The following PCDH15 variants were observed in gnomAD, a reference collection of about 807,000 sequenced individuals.
The protein encoded by PCDH15 is protocadherin-15.
A neutral mutation model predicts 178.5 loss-of-function variants in PCDH15; 129 were observed. That is an observed-to-expected ratio of 0.72 (90% CI 0.63 to 0.84). The LOEUF is 0.84. PCDH15 is among the 40% of genes least tolerant of loss of function. PCDH15 has a pLI of 0.00. For synonymous variants in PCDH15, 800 were observed against 732.0 expected, an observed-to-expected ratio of 1.09 and a Z score of -1.50; for missense variants, 2,230 against 2,099.9, an observed-to-expected ratio of 1.06 and a Z score of -1.21.
At chr10:53,840,287 A>G in intron 29 of PCDH15, 33 bp downstream of exon 29, 1 of 1,602,158 alleles carries the variant, frequency 6.2e-7, no homozygotes, top group Non-Finnish European at 8.6e-7. Flanking sequence ...TATTGTAACC[A>G]AAGAGCTGTT....
At chr10:54,782,121 G>A (rs532125468) in intron 1 of PCDH15, among the ~76,000 whole-genome samples, 2 of 152,238 alleles carry the variant, frequency 1.3e-5, no homozygotes, top group African/African-American at 4.8e-5. Flanking sequence ...ATGCAGAACA[G>A]CTGATTTAGT....
intron 2 of PCDH15, among the ~76,000 whole-genome samples, chr10:54,996,589 C>T (rs932731211): frequency 3.3e-5 from 5 of 152,054 alleles, no homozygotes; most frequent in African/African-American, 9.7e-5. Flanking sequence ...GTGAGCCAGG[C>T]CCTGAATGTG....
chr10:53,871,105 G>A (rs1300292860), intron 26 of PCDH15, among the ~76,000 whole-genome samples: 3 of 151,738 alleles, frequency 2.0e-5, no homozygotes, highest in South Asian at 2.1e-4. Flanking sequence ...AGGCTGAGGC[G>A]GGCGGGTCAC....
chr10:53,979,652 C>T (rs528188352), intron 21 of PCDH15, among the ~76,000 whole-genome samples: 10 of 152,254 alleles, frequency 6.6e-5, no homozygotes, highest in Middle Eastern at 3.4e-3. Context: ...ATGGGCCTCA[C>T]AATTGGACAG....
At chr10:54,167,492 G>A (rs1477735034) in intron 13 of PCDH15, among the ~76,000 whole-genome samples, 4 of 152,038 alleles carry the variant, frequency 2.6e-5, no homozygotes, top group Admixed American at 6.6e-5. Context: ...TTGCAGGGAC[G>A]CCTGATTATA....
At chr10:55,231,977 A>T (rs2132199228) in intron 1 of PCDH15, among the ~76,000 whole-genome samples, 1 of 152,152 alleles carries the variant, frequency 6.6e-6, no homozygotes, top group South Asian at 2.1e-4. Context: ...ATTCTGTCAA[A>T]GCTGTGCCAG....
intron 6 of PCDH15, among the ~76,000 whole-genome samples, chr10:54,335,148 C>T (rs1407600225): frequency 2.6e-5 from 4 of 152,172 alleles, no homozygotes; most frequent in Admixed American, 2.0e-4. Flanking sequence ...TAAGGCTATG[C>T]AATTTTTGTC....
chr10:55,412,428 C>T (rs563985448), intron 2 of PCDH15, among the ~76,000 whole-genome samples: 1 of 152,008 alleles, frequency 6.6e-6, no homozygotes, highest in South Asian at 2.1e-4. Context: ...CAAAAGCATG[C>T]CTGCATATGT....
intron 2 of PCDH15, among the ~76,000 whole-genome samples, chr10:55,004,025 G>T (rs1444809395): frequency 6.7e-6 from 1 of 150,358 alleles, no homozygotes; most frequent in Non-Finnish European, 1.5e-5. Flanking sequence ...AGCTAACTTA[G>T]GAGAGGTATA....
chr10:54,587,970 G>A (rs1590301303), intron 2 of PCDH15, among the ~76,000 whole-genome samples: 1 of 152,208 alleles, frequency 6.6e-6, no homozygotes, highest in South Asian at 2.1e-4. Flanking sequence ...CTACACATTT[G>A]TAAGTGACAG....
chr10:55,383,288 C>T (rs1049504652), intron 2 of PCDH15, among the ~76,000 whole-genome samples: 3 of 152,010 alleles, frequency 2.0e-5, no homozygotes, highest in South Asian at 2.1e-4. Context: ...CTCTCCTGGA[C>T]GTTCAGCCAC....
rs537536376 is a variant in PCDH15, at chr10:55,016,803, T to C, written c.-79-119303A>G. ...GGATCACATGAACCAAATAATCCAGTAACATACCTTTTATTGATTTTCTCT... is the reference window on the plus strand; with the variant it reads ...GGATCACATGAACCAAATAATCCAGCAACATACCTTTTATTGATTTTCTCT... On this transcript the variant is annotated intron_variant, in intron 2 of 5. Transcript: ENST00000458638. Among the ~76,000 whole-genome samples, 5 of 152,220 alleles carry C rather than the reference T, an allele frequency of 3.3e-5. No homozygotes were observed. The South Asian group carries it at 1.0e-3, about 32-fold the overall frequency.
intron 2 of PCDH15, among the ~76,000 whole-genome samples, chr10:55,477,813 G>C (rs1428984647): frequency 2.0e-5 from 3 of 151,854 alleles, no homozygotes; most frequent in African/African-American, 7.2e-5. Context: ...TGAAGTGCAA[G>C]TAGAAAATAC....
chr10:54,953,071 T>C (rs1322017294), intron 2 of PCDH15, among the ~76,000 whole-genome samples: 2 of 151,636 alleles, frequency 1.3e-5, no homozygotes. Context: ...TTGCTCTTCA[T>C]CTTCATGTGA....
At chr10:55,480,883 A>G (rs777126121) in intron 2 of PCDH15, among the ~76,000 whole-genome samples, 10 of 151,804 alleles carry the variant, frequency 6.6e-5, no homozygotes, top group Non-Finnish European at 1.2e-4. Context: ...CTCCTTTTCA[A>G]TTTTTTGGAA....
intron 5 of PCDH15, among the ~76,000 whole-genome samples, chr10:54,367,319 CA>C (rs1357436985): frequency 1.3e-5 from 2 of 151,870 alleles, no homozygotes; most frequent in Admixed American, 1.3e-4. Flanking sequence ...TGAGAAATTG[CA>C]AAACTTTTGA....
chr10:54,240,626 C>CTTTTTTTTTTTTTTTTTT (rs1228784141), intron 8 of PCDH15, among the ~76,000 whole-genome samples: 2 of 79,662 alleles, frequency 2.5e-5, no homozygotes, highest in African/African-American at 4.8e-5. Context: ...TTTTCTTTTG[C>CTTTTTTTTTTTTTTTTTT]TTTTTTTTTT....
intron 18 of PCDH15, among the ~76,000 whole-genome samples, chr10:54,028,941 T>C (rs895266039): frequency 7.5e-6 from 1 of 133,452 alleles, no homozygotes; most frequent in African/African-American, 3.1e-5. Context: ...AGTATAATAA[T>C]AATAAAAAAA....
intron 2 of PCDH15, among the ~76,000 whole-genome samples, chr10:55,005,294 C>CCCT (rs2131935937): frequency 6.6e-6 from 1 of 151,350 alleles, no homozygotes. Context: ...ACTATGTGGC[C>CCCT]ACCACCCTCC....
Sources: allele counts gnomAD v4.1 joint callset (sites outside exome capture counted in the v4.1 genomes callset), GRCh38; gene constraint gnomAD v4.1.1; transcripts MANE v1.5; gene names NCBI Gene and HGNC (gene_info 2026-07-23, HGNC 2026-07-21).